The following DYNC2I1 variants were observed in gnomAD, a reference collection of about 807,000 sequenced individuals.
The protein encoded by DYNC2I1 is cytoplasmic dynein 2 intermediate chain 1.
DYNC2I1 carries 89 observed loss-of-function variants against 133.4 expected under a neutral mutation model. The observed-to-expected ratio is 0.67, with a 90% CI of 0.56 to 0.80. The LOEUF (loss-of-function observed/expected upper bound fraction) is 0.80, where lower values mean the gene tolerates loss of function less well. DYNC2I1 is among the 30% of genes least tolerant of loss of function. The pLI, the probability that DYNC2I1 is intolerant of heterozygous loss-of-function variation, is 0.00. For missense variants in DYNC2I1, 1,291 were observed against 1,314.5 expected (o/e 0.98, Z 0.28); for synonymous variants, 504 against 484.3 (o/e 1.04, Z -0.54).
At chr7:158,915,877 A>G (rs1848164908) in intron 14 of DYNC2I1, among the ~76,000 whole-genome samples, 1 of 145,228 alleles carries the variant, frequency 6.9e-6, no homozygotes, top group Admixed American at 6.8e-5. Context: ...TGAAACGTCG[A>G]CACGCTGGTT....
At chr7:158,947,693 G>A (rs1400830518), downstream of DYNC2I1, among the ~76,000 whole-genome samples, 1 of 152,218 alleles carries the variant, frequency 6.6e-6, no homozygotes, top group Admixed American at 6.5e-5. Context: ...CCTGACGTGA[G>A]CCTCCTGCCT....
chr7:158,945,551 G>C lies in DYNC2I1; in HGVS notation c.3003-30G>C, dbSNP rs373482284. On this transcript the variant is annotated intron_variant, in intron 24 of 24. Transcript: ENST00000407559. The surrounding 1 kb of genome is among the most constrained non-coding windows in gnomAD (Gnocchi z 4.1). ...AACCGAATGTCCCTTTGTGTGCACT[G>C]ACCCTCTGCTTCTGCCCCTCTCCCT... is the stretch of plus-strand genomic sequence containing the variant. 5.5e-4 allele frequency: 864 copies of C among 1,578,088 alleles called. 7 individuals carry two copies. The South Asian group carries it at 9.0e-3, about 16-fold the overall frequency.
chr7:158,886,622 G>T (rs1207584837), intron 6 of DYNC2I1, among the ~76,000 whole-genome samples: 1 of 152,042 alleles, frequency 6.6e-6, no homozygotes, highest in Admixed American at 6.6e-5. Context: ...ATTATTTTTT[G>T]AGAAAGGGTC....
At chr7:158,896,360 C>T (rs1845763878) in intron 8 of DYNC2I1, among the ~76,000 whole-genome samples, 1 of 152,158 alleles carries the variant, frequency 6.6e-6, no homozygotes, top group African/African-American at 2.4e-5. Flanking sequence ...TGATTTTTCT[C>T]TTTTAGCCTG....
At position 158,911,504 on chromosome 7, in the gene DYNC2I1, A is replaced by G. The variant is rs757755196; in HGVS notation, c.1461-46A>G. On this transcript the variant is annotated intron_variant, in intron 11 of 24. Transcript: ENST00000407559. ...CTGTTCTCCCTACACTTCCCCACGT[A>G]TATTATTCGAGTTAATTTTTGTCTT... is the stretch of plus-strand genomic sequence containing the variant. The G allele has an allele frequency of 3.8e-6, 6 of 1,598,476 alleles. No individual in the cohort carries two copies. In the African/African-American group the frequency reaches 6.7e-5, roughly 18 times the overall value.
At chr7:158,914,098 A>T in intron 13 of DYNC2I1, 135 bp from the exon 14 acceptor site, 1 of 638,548 alleles carries the variant, frequency 1.6e-6, no homozygotes. Flanking sequence ...TAGAGAGTAT[A>T]GCTTGAAGTT....
At chr7:158,870,296 C>G (rs567995152) in intron 2 of DYNC2I1, among the ~76,000 whole-genome samples, 4 of 152,188 alleles carry the variant, frequency 2.6e-5, no homozygotes, top group Admixed American at 2.6e-4. Context: ...TAAAACACAG[C>G]TTCAGTATCT....
At chr7:158,872,874 A>G (rs1441299326) in intron 3 of DYNC2I1, among the ~76,000 whole-genome samples, 2 of 151,692 alleles carry the variant, frequency 1.3e-5, no homozygotes, top group African/African-American at 4.8e-5. Flanking sequence ...ATGTGGTGGC[A>G]CAGCTGCTTG....
At chr7:158,922,338 C>G in intron 15 of DYNC2I1, 39 bp from the exon 16 acceptor site, 1 of 1,584,310 alleles carries the variant, frequency 6.3e-7, no homozygotes, top group Non-Finnish European at 8.6e-7. Context: ...TGGATTCTGG[C>G]AGGTCGTTGA....
At chr7:158,939,878 T>C (rs1851159175) in intron 23 of DYNC2I1, among the ~76,000 whole-genome samples, 1 of 152,196 alleles carries the variant, frequency 6.6e-6, no homozygotes, top group Non-Finnish European at 1.5e-5. Context: ...AAAAGGGGTC[T>C]ATATATAATG....
intron 14 of DYNC2I1, among the ~76,000 whole-genome samples, chr7:158,915,395 G>T (rs1347672214): frequency 8.8e-5 from 11 of 125,634 alleles, no homozygotes; most frequent in African/African-American, 2.9e-4. Context: ...CGACATGCTG[G>T]TTGACATTAA....
chr7:158,852,087 G>C (rs1052142474), upstream of DYNC2I1, among the ~76,000 whole-genome samples: 1 of 152,012 alleles, frequency 6.6e-6, no homozygotes, highest in East Asian at 1.9e-4. Flanking sequence ...TCTAGGGCCA[G>C]GGACCATAGC....
chr7:158,918,700 G>T (rs1249578966), intron 14 of DYNC2I1, 40 bp from the exon 15 acceptor site: 1 of 1,600,592 alleles, frequency 6.2e-7, no homozygotes, highest in East Asian at 2.2e-5. Context: ...ATAATCCATT[G>T]TGAAGTTTTT....
At chr7:158,896,032 C>A (rs577678049) in intron 8 of DYNC2I1, among the ~76,000 whole-genome samples, 5 of 152,030 alleles carry the variant, frequency 3.3e-5, no homozygotes, top group East Asian at 1.9e-4. Context: ...TTGTTCAATT[C>A]TTTCATATTT....
chr7:158,928,297 T>G (rs1000146729), intron 20 of DYNC2I1, among the ~76,000 whole-genome samples: 4 of 152,204 alleles, frequency 2.6e-5, no homozygotes, highest in Non-Finnish European at 5.9e-5. Context: ...CTCACCTCAT[T>G]GGCCTCCCAC....
chr7:158,892,400 G>A (rs1845313710), intron 8 of DYNC2I1, among the ~76,000 whole-genome samples: 1 of 152,084 alleles, frequency 6.6e-6, no homozygotes. Flanking sequence ...ATGATAATGT[G>A]CCAAGAGGAC....
the DYNC2I1 span, among the ~76,000 whole-genome samples, chr7:158,840,257 A>T: frequency 6.6e-6 from 1 of 152,112 alleles, no homozygotes; most frequent in Non-Finnish European, 1.5e-5. Context: ...ACAAAAAAAA[A>T]AATCAGAAAT....
rs1389171419 is a variant in DYNC2I1 at position 158,929,124 on chromosome 7, A to G, written c.2486-1331A>G. Among the ~76,000 whole-genome samples, 3 of 152,218 alleles carry G rather than the reference A, an allele frequency of 2.0e-5. No homozygotes were observed. In the South Asian group the frequency reaches 6.2e-4, roughly 32 times the overall value. On this transcript the variant is annotated intron_variant, in intron 20 of 24. Coordinates refer to ENST00000407559, the MANE Select transcript of DYNC2I1 (RefSeq NM_018051.5). ...CACTGAACCACTTACCCAAATTGCA[A>G]CCATGTTCCAGCCTTGCCTTTAGGA... is the stretch of plus-strand genomic sequence containing the variant.
At chr7:158,863,629 G>A (rs116923204) in intron 1 of DYNC2I1, among the ~76,000 whole-genome samples, 52 of 110,240 alleles carry the variant, frequency 4.7e-4, no homozygotes, top group Non-Finnish European at 8.4e-4. Context: ...GTGTGTTTGG[G>A]GGGGGCGGTG....
Sources: gnomAD v4.1 joint callset for allele counts (sites outside exome capture counted in the v4.1 genomes callset) on GRCh38, gnomAD v4.1.1 for gene constraint, Gnocchi (gnomAD v3.1) non-coding constraint, MANE v1.5 for transcripts, NCBI Gene and HGNC (gene_info 2026-07-23, HGNC 2026-07-21) for gene names.